The following ZCCHC10 variants were observed in gnomAD, a reference collection of about 807,000 sequenced individuals.
ZCCHC10 encodes the protein zinc finger CCHC domain-containing protein 10.
A neutral mutation model predicts 19.5 loss-of-function variants in ZCCHC10; 16 were observed. The observed-to-expected ratio is 0.82, with a 90% CI of 0.56 to 1.25. The LOEUF is 1.25. Among genes scored for constraint, ZCCHC10 ranks in the 50% most tolerant of loss-of-function variants. The pLI is 0.00. For missense variants in ZCCHC10, 197 were observed against 201.0 expected, an observed-to-expected ratio of 0.98 and a Z score of 0.12; for synonymous variants, 67 against 72.5, an observed-to-expected ratio of 0.92 and a Z score of 0.38.
At chr5:133,025,204 AG>A (rs1253744702) in intron 1 of ZCCHC10, among the ~76,000 whole-genome samples, 1 of 152,124 alleles carries the variant, frequency 6.6e-6, no homozygotes, top group Non-Finnish European at 1.5e-5. Context: ...TGGAAAAAAA[AG>A]CTTTATAAGA....
chr5:133,002,648 T>A (rs1762847056), intron 3 of ZCCHC10, among the ~76,000 whole-genome samples: 1 of 152,188 alleles, frequency 6.6e-6, no homozygotes, highest in African/African-American at 2.4e-5. Flanking sequence ...ATTATATACA[T>A]ATTATAAAAA....
intron 3 of ZCCHC10, among the ~76,000 whole-genome samples, chr5:133,002,217 T>G (rs1208552938): frequency 6.6e-6 from 1 of 152,034 alleles, no homozygotes; most frequent in Non-Finnish European, 1.5e-5. Context: ...CGCCTCAGCC[T>G]CCCAAAATGC....
chr5:133,002,109 C>T (rs1581375798), intron 3 of ZCCHC10, among the ~76,000 whole-genome samples: 1 of 151,112 alleles, frequency 6.6e-6, no homozygotes, highest in East Asian at 1.9e-4. Context: ...TACAGGTGCC[C>T]GCCACTATGT....
intron 2 of ZCCHC10, among the ~76,000 whole-genome samples, chr5:133,009,843 CTG>C (rs1763380487): frequency 6.6e-6 from 1 of 151,760 alleles, no homozygotes; most frequent in Non-Finnish European, 1.5e-5. Flanking sequence ...ACCTAGAAGA[CTG>C]AGAAAAATCC....
At chr5:133,009,004 T>G (rs949312565) in intron 2 of ZCCHC10, among the ~76,000 whole-genome samples, 10 of 151,420 alleles carry the variant, frequency 6.6e-5, no homozygotes, top group African/African-American at 1.2e-4. Context: ...CAGAGGGAGA[T>G]TCTCTTTTTT....
intron 2 of ZCCHC10, among the ~76,000 whole-genome samples, chr5:133,013,726 A>G (rs1763728288): frequency 6.6e-6 from 1 of 151,788 alleles, no homozygotes; most frequent in Non-Finnish European, 1.5e-5. Flanking sequence ...CATCTCAAAC[A>G]ATATATATAT....
At chr5:133,014,790 G>C (rs1200142859) in intron 2 of ZCCHC10, among the ~76,000 whole-genome samples, 1 of 152,198 alleles carries the variant, frequency 6.6e-6, no homozygotes, top group Non-Finnish European at 1.5e-5. Flanking sequence ...GAATGACCAA[G>C]ACCATCAGTT....
chr5:132,998,596 T>G lies in ZCCHC10; in HGVS notation c.566A>C (p.Lys189Thr), dbSNP rs1385534752. 6.2e-7 allele frequency: 1 copy of G among 1,613,586 alleles called. No homozygotes were observed. The highest frequency in any genetic ancestry group is 1.1e-5 in the South Asian group (1 of 91,070). ...AATGGAGCAACTCTATTTCTTTTTC[T>G]TCTTCTTTGGTGGTTCATCGTCAGA... Reference protein sequence around the residue: ...SSSDDEPPKKKKKK With the variant: ...SSSDDEPPKKTKKK Residue 189 changes from lysine (K) to threonine (T), a missense_variant, in exon 5 of 5, where the codon AAG (lysine) becomes ACG (threonine). Coordinates refer to ENST00000509437, the MANE Select transcript of ZCCHC10 (RefSeq NM_001300816.3).
At chr5:132,999,706 T>A (rs1358720744) in intron 4 of ZCCHC10, among the ~76,000 whole-genome samples, 1 of 152,236 alleles carries the variant, frequency 6.6e-6, no homozygotes, top group Non-Finnish European at 1.5e-5. Flanking sequence ...ATAGGATGAT[T>A]ATTTAATTAT....
chr5:133,012,784 C>T (rs1763640754), intron 2 of ZCCHC10, among the ~76,000 whole-genome samples: 1 of 151,800 alleles, frequency 6.6e-6, no homozygotes, highest in African/African-American at 2.4e-5. Flanking sequence ...GGTGTGGTGG[C>T]TCACGCCTGT....
chr5:133,023,604 G>A (rs961215990), intron 1 of ZCCHC10, among the ~76,000 whole-genome samples: 1 of 151,428 alleles, frequency 6.6e-6, no homozygotes, highest in Non-Finnish European at 1.5e-5. Flanking sequence ...GAGAAACCCC[G>A]TCTCTACTAA....
intron 3 of ZCCHC10, among the ~76,000 whole-genome samples, chr5:133,002,106 G>T (rs1240092212): frequency 1.3e-5 from 2 of 151,032 alleles, no homozygotes; most frequent in Non-Finnish European, 3.0e-5. Flanking sequence ...GACTACAGGT[G>T]CCCGCCACTA....
intron 1 of ZCCHC10, among the ~76,000 whole-genome samples, chr5:133,024,387 T>C (rs1764530443): frequency 6.6e-6 from 1 of 152,192 alleles, no homozygotes; most frequent in East Asian, 1.9e-4. Flanking sequence ...ACTGGGCATG[T>C]AATCCAATCT....
At chr5:133,014,710 T>C (rs1763806047) in intron 2 of ZCCHC10, among the ~76,000 whole-genome samples, 1 of 152,244 alleles carries the variant, frequency 6.6e-6, no homozygotes, top group Non-Finnish European at 1.5e-5. Flanking sequence ...ATGTGGCTAT[T>C]TGCAGAAGGC....
intron 2 of ZCCHC10, among the ~76,000 whole-genome samples, chr5:133,007,940 A>T (rs759243588): frequency 1.6e-4 from 24 of 152,032 alleles, no homozygotes; most frequent in Non-Finnish European, 3.1e-4. Context: ...AGAATCGGAA[A>T]ATCAGCCAGG....
intron 2 of ZCCHC10, 97 bp from the exon 3 acceptor site, chr5:133,007,017 C>G: frequency 8.6e-7 from 1 of 1,163,422 alleles, no homozygotes; most frequent in Admixed American, 3.2e-5. Context: ...ATTATGTTTA[C>G]TCTTATGGTC....
chr5:133,022,126 T>C (rs559479297), intron 2 of ZCCHC10, among the ~76,000 whole-genome samples: 6 of 152,294 alleles, frequency 3.9e-5, no homozygotes, highest in Admixed American at 3.9e-4. Context: ...TTTAAAACTT[T>C]TTGACTCTTT....
intron 3 of ZCCHC10, 158 bp from the exon 4 acceptor site, chr5:133,000,331 A>G: frequency 1.3e-6 from 1 of 777,492 alleles, no homozygotes; most frequent in East Asian, 2.8e-5. Flanking sequence ...AAGCAAGTGG[A>G]AAGTCTGCCA....
chr5:133,026,496 C>T lies in ZCCHC10; in HGVS notation c.41+1G>A. On this transcript the variant is annotated splice_donor_variant, in intron 1 of 4. Coordinates refer to ENST00000509437, the MANE Select transcript of ZCCHC10 (RefSeq NM_001300816.3). LOFTEE classifies it high-confidence loss of function. ...TGGACCCGAACCGGATCCTTACTTA[C>T]GCTTGTCTCCGGGCTATTAGCCGAT... 6.2e-7 allele frequency: 1 copy of T among 1,613,752 alleles called. No homozygotes were observed. Among genetic ancestry groups the T allele is most frequent in the Non-Finnish European group, 8.5e-7 (1 of 1,179,928 alleles).
Sources: gnomAD v4.1 joint callset for allele counts (sites outside exome capture counted in the v4.1 genomes callset) on GRCh38, gnomAD v4.1.1 for gene constraint, MANE v1.5 for transcripts, NCBI Gene and HGNC (gene_info 2026-07-23, HGNC 2026-07-21) for gene names.